Variants in COL24A1 observed in about 807,000 individuals in gnomAD.
COL24A1 encodes collagen type XXIV alpha 1 chain.
In COL24A1, 224 loss-of-function variants were observed where a neutral mutation model predicts 253.9. That is an observed-to-expected ratio of 0.88 (90% CI 0.79 to 0.99). COL24A1 has a LOEUF of 0.99. Ranked by LOEUF, COL24A1 falls within the 50% of genes least tolerant of loss-of-function variation. The probability of loss-of-function intolerance (pLI) is 0.00; values close to 1 mark genes in which losing one functional copy is unlikely to be tolerated. For missense variants in COL24A1, 2,131 were observed against 2,068.5 expected (o/e 1.03, Z -0.59); for synonymous variants, 685 against 673.7 (o/e 1.02, Z -0.26).
At position 86,108,963 on chromosome 1, in the gene COL24A1, CAG is replaced by C. The variant is rs996706303; in HGVS notation, c.1599+3602_1599+3603del. 1.2e-4 allele frequency among the ~76,000 whole-genome samples: 19 copies of C among 152,234 alleles called. 2 individuals are homozygous for C. Among genetic ancestry groups the C allele is most frequent in the Admixed American group, 5.2e-4 (8 of 15,296 alleles). On this transcript the variant is annotated intron_variant, in intron 5 of 59. Coordinates refer to ENST00000370571, the MANE Select transcript of COL24A1 (RefSeq NM_152890.7). ...TTCTGCCTTTTTAATGGGCAAAAAA[CAG>C]AACTACTTTTGCACCAACCTAGAAG...
At chr1:85,776,611 C>A (rs1334060632) in intron 52 of COL24A1, among the ~76,000 whole-genome samples, 6 of 151,792 alleles carry the variant, frequency 4.0e-5, no homozygotes, top group African/African-American at 1.5e-4. Flanking sequence ...ATTTAATAAT[C>A]TTACCTAGTA....
chr1:86,031,943 A>G, intron 13 of COL24A1, 21 bp from the exon 14 acceptor site: 1 of 1,599,066 alleles, frequency 6.3e-7, no homozygotes, highest in Non-Finnish European at 8.5e-7. Context: ...AGAAATTTGC[A>G]ATACTTATTA....
chr1:85,875,228 G>A (rs372010756), intron 34 of COL24A1, 49 bp downstream of exon 34: 3 of 1,497,460 alleles, frequency 2.0e-6, no homozygotes, highest in Admixed American at 1.7e-5. Flanking sequence ...AATGTAGGGG[G>A]TTCAATGGTG....
chr1:85,937,615 T>C (rs1300173727), intron 24 of COL24A1, among the ~76,000 whole-genome samples: 2 of 147,334 alleles, frequency 1.4e-5, no homozygotes, highest in Admixed American at 6.8e-5. Flanking sequence ...GGAATGGACA[T>C]GGTAGAAGAG....
rs182215171 is a variant in COL24A1 at position 85,844,041 on chromosome 1, G to A, written c.3463-1648C>T. The stretch of plus-strand genomic sequence containing the variant: ...AAAAAAAACAGTAAGAAAGCTATAA[G>A]GATTTAAGTAGCTTAGCTAACAACT... On this transcript the variant is annotated intron_variant, in intron 39 of 59. Coordinates refer to ENST00000370571, the MANE Select transcript of COL24A1 (RefSeq NM_152890.7). Among the ~76,000 whole-genome samples the A allele has an allele frequency of 2.7e-3, 407 of 151,598 alleles. 1 individual carries two copies. The highest frequency in any genetic ancestry group is 8.3e-3 in the African/African-American group (341 of 41,300).
intron 43 of COL24A1, among the ~76,000 whole-genome samples, chr1:85,835,496 T>G (rs1195948673): frequency 6.6e-6 from 1 of 152,122 alleles, no homozygotes; most frequent in South Asian, 2.1e-4. Flanking sequence ...AACTAAGTAT[T>G]CGTTAATAAT....
chr1:85,904,352 C>A (rs964603195), intron 28 of COL24A1, among the ~76,000 whole-genome samples: 2 of 151,978 alleles, frequency 1.3e-5, no homozygotes, highest in African/African-American at 4.8e-5. Flanking sequence ...GACACAGAGG[C>A]GTATAATGGA....
rs1230810182 is a variant in COL24A1, at chr1:86,017,189, G to T, written c.2272C>A (p.Pro758Thr). The T allele has an allele frequency of 6.4e-7, 1 of 1,571,368 alleles. No homozygotes were observed. The highest frequency in any genetic ancestry group is 2.0e-5 in the Admixed American group (1 of 48,884). The stretch of plus-strand genomic sequence containing the variant: ...GGGCCAGATGGTCCTTGGAGTCCTG[G>T]GTCACCTGTTTGGCCCTAAAATGGG... ...KSGPSGQTGDPGLQGPSGPPG... is the reference protein window; with the variant it reads ...KSGPSGQTGDTGLQGPSGPPG... The change falls in exon 19 of 60, where the codon CCA becomes ACA. Residue 758 changes from proline to threonine, a missense_variant. Transcript: ENST00000370571.
intron 47 of COL24A1, 28 bp from the exon 48 acceptor site, chr1:85,786,489 CT>C (rs749967711): frequency 8.8e-6 from 14 of 1,590,996 alleles, no homozygotes. Context: ...GAAATGAAAA[CT>C]GGGAAAGTTT....
chr1:85,766,132 G>A (rs553655192), intron 53 of COL24A1, among the ~76,000 whole-genome samples: 29 of 151,974 alleles, frequency 1.9e-4, no homozygotes, highest in Admixed American at 3.9e-4. Context: ...TTGGGAGGCT[G>A]AGGTGGGCAG....
intron 43 of COL24A1, among the ~76,000 whole-genome samples, chr1:85,827,006 T>C (rs1298912520): frequency 6.6e-6 from 1 of 151,396 alleles, no homozygotes; most frequent in African/African-American, 2.4e-5. Flanking sequence ...CTTGTGCCAG[T>C]TTTCAAAGGG....
At chr1:85,829,273 A>G (rs1674849140) in intron 43 of COL24A1, among the ~76,000 whole-genome samples, 2 of 151,910 alleles carry the variant, frequency 1.3e-5, no homozygotes, top group Admixed American at 6.6e-5. Context: ...TGGCTTGTAG[A>G]GTTTCTGCCA....
At chr1:86,058,326 T>A (rs928750020) in intron 9 of COL24A1, among the ~76,000 whole-genome samples, 4 of 151,582 alleles carry the variant, frequency 2.6e-5, no homozygotes, top group Non-Finnish European at 4.4e-5. Context: ...AAATTTTTTT[T>A]AAAATTTATT....
chr1:85,764,892 G>A (rs1303431836), intron 53 of COL24A1, among the ~76,000 whole-genome samples: 1 of 151,984 alleles, frequency 6.6e-6, no homozygotes. Flanking sequence ...GGTACCACAG[G>A]CATGTGCTTC....
At chr1:86,037,477 C>T (rs892129963) in intron 12 of COL24A1, among the ~76,000 whole-genome samples, 1 of 152,170 alleles carries the variant, frequency 6.6e-6, no homozygotes, top group Non-Finnish European at 1.5e-5. Context: ...AAACTCTGGA[C>T]AGTCTATAGG....
intron 10 of COL24A1, among the ~76,000 whole-genome samples, chr1:86,057,158 A>G (rs6703192): frequency 6.4e-4 from 97 of 151,776 alleles, no homozygotes; most frequent in African/African-American, 2.3e-3. Flanking sequence ...TGAGTTCTCA[A>G]CTCACATGAG....
intron 31 of COL24A1, among the ~76,000 whole-genome samples, chr1:85,890,258 C>T (rs948553369): frequency 1.3e-5 from 2 of 152,100 alleles, no homozygotes; most frequent in Non-Finnish European, 2.9e-5. Flanking sequence ...TGGGTATCTA[C>T]CTAGAAGTGG....
chr1:85,760,521 A>G (rs1005685875), intron 55 of COL24A1, among the ~76,000 whole-genome samples: 1 of 152,190 alleles, frequency 6.6e-6, no homozygotes, highest in Admixed American at 6.5e-5. Context: ...TGAAAAGCTG[A>G]GGGAAATGAA....
In COL24A1 at chr1:85,760,511, T is replaced by G. The variant is rs562564013; in HGVS notation, c.4437+885A>C. On this transcript the variant is annotated intron_variant, in intron 55 of 59. Coordinates refer to ENST00000370571, the MANE Select transcript of COL24A1 (RefSeq NM_152890.7). ...GCCTGGAAGTTATTCCTTGCCCCAATGAAAAGCTGAGGGAAATGAAGAGTT... is the reference window on the plus strand; with the variant it reads ...GCCTGGAAGTTATTCCTTGCCCCAAGGAAAAGCTGAGGGAAATGAAGAGTT... Among the ~76,000 whole-genome samples the G allele has an allele frequency of 4.4e-3, 670 of 152,142 alleles. 5 individuals are homozygous for G. The highest frequency in any genetic ancestry group is 6.5e-3 in the Non-Finnish European group (444 of 68,010).
Sources: allele counts gnomAD v4.1 joint callset (sites outside exome capture counted in the v4.1 genomes callset), GRCh38; gene constraint gnomAD v4.1.1; transcripts MANE v1.5; gene names NCBI Gene and HGNC (gene_info 2026-07-23, HGNC 2026-07-21).